PHF2: variants seen among roughly 807,000 people sequenced by gnomAD.
The protein encoded by PHF2 is PHD finger protein 2.
In PHF2, 27 loss-of-function variants were observed where a neutral mutation model predicts 120.5. The ratio of observed to expected loss-of-function variants is 0.22; its 90% CI spans 0.17 to 0.31. The LOEUF is 0.31. Among genes scored for constraint, PHF2 ranks in the 10% least tolerant of loss-of-function variants. The pLI, the probability that PHF2 is intolerant of heterozygous loss-of-function variation, is 1.00. For synonymous variants in PHF2, 568 were observed against 592.5 expected, an observed-to-expected ratio of 0.96 and a Z score of 0.60; for missense variants, 1,024 against 1,434.8, an observed-to-expected ratio of 0.71 and a Z score of 4.63.
Position 93,662,943 on chromosome 9 carries a change from G to A in PHF2, c.1735G>A (p.Val579Met). The A allele has an allele frequency of 6.2e-7, 1 of 1,614,136 alleles. No individual in the cohort carries two copies. The highest frequency in any genetic ancestry group is 8.5e-7 in the Non-Finnish European group (1 of 1,179,982). Residue 579 changes from valine (V) to methionine (M), a missense_variant, in exon 13 of 22, where the codon GTG becomes ATG. By Grantham distance (21) the Val-to-Met change is conservative (BLOSUM62 1). This residue lies in a region of PHF2 where 677 missense variants were observed against 857.4 expected (regional missense o/e 0.79). Transcript: ENST00000359246. ...KSVLSVPNKD[V>M]VHMQNDVERL... ...TGTCCTGAGTGTGCCCAACAAAGATGTGGTTCACATGCAGAATGATGTGGA... is the reference window on the plus strand; with the variant it reads ...TGTCCTGAGTGTGCCCAACAAAGATATGGTTCACATGCAGAATGATGTGGA...
In PHF2 at chr9:93,631,890, A is replaced by C. The variant is rs1410581409; in HGVS notation, c.184+1835A>C. ...TGAGAAGAGGCTTTCAGACTGGTAG[A>C]AAAGAAAGTGTCAGAAACCCCTGGG... On this transcript the variant is annotated intron_variant, in intron 2 of 21. Coordinates refer to ENST00000359246, the MANE Select transcript of PHF2 (RefSeq NM_005392.4). Among the ~76,000 whole-genome samples the C allele has an allele frequency of 2.0e-5, 3 of 152,208 alleles. No individual in the cohort carries two copies. In the East Asian group the frequency reaches 5.8e-4, roughly 29 times the overall value.
At chr9:93,666,848 C>T (rs941989415) in intron 16 of PHF2, among the ~76,000 whole-genome samples, 5 of 152,080 alleles carry the variant, frequency 3.3e-5, no homozygotes, top group Non-Finnish European at 5.9e-5. Context: ...GGTGTGAACC[C>T]AGGAGGCGGA....
intron 10 of PHF2, among the ~76,000 whole-genome samples, chr9:93,658,570 G>A (rs1337247028): frequency 2.0e-5 from 3 of 152,174 alleles, no homozygotes; most frequent in Non-Finnish European, 2.9e-5. Context: ...GGAGGAAGGT[G>A]GGTCTGTGGG....
At position 93,630,044 on chromosome 9, in the gene PHF2, G is replaced by T; in HGVS notation, c.173G>T (p.Gly58Val). The T allele has an allele frequency of 6.2e-7, 1 of 1,613,196 alleles. No individual in the cohort carries two copies. Among genetic ancestry groups the T allele is most frequent in the Non-Finnish European group, 8.5e-7 (1 of 1,180,008 alleles). The change falls in exon 2 of 22, where the codon GGG becomes GTG. Residue 58 changes from glycine (G) to valine (V), a missense_variant. Around this residue, in one of 2 missense-constraint regions of PHF2, gnomAD observed 347 missense variants for 577.4 expected, o/e 0.60. Coordinates refer to ENST00000359246, the MANE Select transcript of PHF2 (RefSeq NM_005392.4). ...YHCPNCEKTH[G>V]KSTLKKKRTW... ...TGCCCAAACTGTGAGAAAACCCATG[G>T]GAAGTCCACCTGTAAGTACCGCAGC... is the stretch of plus-strand genomic sequence containing the variant.
At chr9:93,587,187 G>A (rs1004737309) in intron 1 of PHF2, among the ~76,000 whole-genome samples, 1 of 152,022 alleles carries the variant, frequency 6.6e-6, no homozygotes, top group Non-Finnish European at 1.5e-5. Flanking sequence ...GGATGGAGGA[G>A]CCTCGGGTGA....
At chr9:93,670,965 C>A (rs1564402806) in intron 17 of PHF2, 2 of 977,432 alleles carry the variant, frequency 2.0e-6, no homozygotes, top group African/African-American at 3.5e-5. Context: ...TGAACTTGGA[C>A]TGAGCTGAGG....
intron 1 of PHF2, among the ~76,000 whole-genome samples, chr9:93,578,520 C>T (rs1156465132): frequency 6.6e-6 from 1 of 152,184 alleles, no homozygotes; most frequent in Non-Finnish European, 1.5e-5. Context: ...CCTGACCTGG[C>T]GAGCGCAGTC....
At chr9:93,615,219 G>T (rs1458842213) in intron 1 of PHF2, among the ~76,000 whole-genome samples, 2 of 151,286 alleles carry the variant, frequency 1.3e-5, no homozygotes, top group East Asian at 3.9e-4. Flanking sequence ...TGGTGATGGT[G>T]ATAGTAATGG....
At chr9:93,670,508 A>G (rs1826762626) in intron 17 of PHF2, among the ~76,000 whole-genome samples, 1 of 152,208 alleles carries the variant, frequency 6.6e-6, no homozygotes, top group African/African-American at 2.4e-5. Context: ...CTTCCCAGGT[A>G]GTTCTGGTGC....
chr9:93,646,666 C>A (rs945995040), intron 4 of PHF2, among the ~76,000 whole-genome samples: 7 of 152,164 alleles, frequency 4.6e-5, no homozygotes, highest in Admixed American at 4.6e-4. Context: ...GTACAAGCCT[C>A]TGGGCACATA....
At chr9:93,671,658 G>T (rs1037199497) in intron 17 of PHF2, among the ~76,000 whole-genome samples, 1 of 142,770 alleles carries the variant, frequency 7.0e-6, no homozygotes, top group Non-Finnish European at 1.6e-5. Flanking sequence ...GCAGTTGTGG[G>T]TGTGGATGTA....
chr9:93,648,633 C>T (rs906423821), intron 4 of PHF2, among the ~76,000 whole-genome samples: 5 of 152,214 alleles, frequency 3.3e-5, no homozygotes, highest in Non-Finnish European at 7.3e-5. Flanking sequence ...AGGCTTTTCC[C>T]TTTATCAGTC....
chr9:93,583,031 T>A (rs1239629615), intron 1 of PHF2, among the ~76,000 whole-genome samples: 1 of 152,192 alleles, frequency 6.6e-6, no homozygotes, highest in Non-Finnish European at 1.5e-5. Context: ...ACTCCTAAAG[T>A]AAACCCGGTA....
At chr9:93,580,878 G>A (rs1470384367) in intron 1 of PHF2, among the ~76,000 whole-genome samples, 1 of 152,172 alleles carries the variant, frequency 6.6e-6, no homozygotes, top group Non-Finnish European at 1.5e-5. Context: ...GAGGAGGGGC[G>A]AGAGTGGACT....
intron 1 of PHF2, among the ~76,000 whole-genome samples, chr9:93,595,648 C>T (rs1290550405): frequency 1.3e-5 from 2 of 152,246 alleles, no homozygotes; most frequent in African/African-American, 2.4e-5. Context: ...AGATTTGCAT[C>T]TTCTGTGAAC....
chr9:93,671,817 C>T lies in PHF2; in HGVS notation c.2349-1768C>T, dbSNP rs553662955. On this transcript the variant is annotated intron_variant, in intron 17 of 21. Coordinates refer to ENST00000359246, the MANE Select transcript of PHF2 (RefSeq NM_005392.4). ...GCAGGTGTGGGTGTGGATGTAGGTA[C>T]AGGTGTAGATGCAGATGTGGGTGTG... Among the ~76,000 whole-genome samples, 431 of 137,574 alleles carry T rather than the reference C, an allele frequency of 3.1e-3. 1 individual carries two copies. The highest frequency in any genetic ancestry group is 0.011 in the African/African-American group (391 of 35,378). The allele number at this position is 137,574 out of a possible 152,430, so 90.3% of individuals were successfully genotyped here. A position where few individuals can be genotyped will look rare whatever the true frequency, so the allele number is the denominator to read the frequency against.
intron 1 of PHF2, among the ~76,000 whole-genome samples, chr9:93,601,493 A>G (rs1261585636): frequency 6.6e-6 from 1 of 152,076 alleles, no homozygotes. Context: ...TTTGATAAAT[A>G]AAAGAGGAGG....
intron 1 of PHF2, among the ~76,000 whole-genome samples, chr9:93,585,187 C>G (rs2131598703): frequency 6.6e-6 from 1 of 152,344 alleles, no homozygotes; most frequent in South Asian, 2.1e-4. Flanking sequence ...TGCCTGCATG[C>G]TTGCGAAGGA....
intron 1 of PHF2, among the ~76,000 whole-genome samples, chr9:93,586,488 T>TG (rs1863046686): frequency 1.3e-5 from 2 of 152,188 alleles, no homozygotes; most frequent in African/African-American, 4.8e-5. Context: ...AGAAGCCAGC[T>TG]GGGGGAGGGC....
Sources: gnomAD v4.1 joint callset for allele counts (sites outside exome capture counted in the v4.1 genomes callset) on GRCh38, gnomAD v4.1.1 for gene constraint, gnomAD v4.1.1 regional missense constraint, MANE v1.5 for transcripts, NCBI Gene and HGNC (gene_info 2026-07-23, HGNC 2026-07-21) for gene names.